ZSCAN20: variants seen among roughly 807,000 people sequenced by gnomAD.
ZSCAN20 encodes zinc finger and SCAN domain-containing protein 20.
In ZSCAN20, 39 loss-of-function variants were observed where a neutral mutation model predicts 97.1. That is an observed-to-expected ratio of 0.40 (90% CI 0.31 to 0.52). The LOEUF is 0.52. ZSCAN20 is among the 20% of genes least tolerant of loss of function. ZSCAN20 has a pLI of 0.49. For synonymous variants in ZSCAN20, 456 were observed against 467.3 expected (o/e 0.98, Z 0.31); for missense variants, 1,115 against 1,290.4 (o/e 0.86, Z 2.08).
chr1:33,490,975 A>G (rs765630966), intron 5 of ZSCAN20, 50 bp from the exon 6 acceptor site: 18 of 1,506,658 alleles, frequency 1.2e-5, no homozygotes, highest in Non-Finnish European at 1.4e-5. Flanking sequence ...TTGGACAAAC[A>G]TGCCGCTCAA....
chr1:33,479,307 T>C lies in ZSCAN20; in HGVS notation c.19T>C (p.Leu7=), dbSNP rs770808630. 25 of 1,608,926 alleles carry C rather than the reference T, an allele frequency of 1.6e-5. No individual in the cohort carries two copies. Among genetic ancestry groups the C allele is most frequent in the Middle Eastern group, 1.7e-4 (1 of 6,060 alleles). The change falls in exon 2 of 8, where the codon TTG becomes CTG. Residue 7 remains leucine, a synonymous_variant. Transcript: ENST00000684572. MAMALE[L]QAQASPQPEP... ...TTAGACAATGGCTATGGCCCTGGAA[T>C]TGCAAGCCCAGGCATCTCCGCAGCC... is the stretch of plus-strand genomic sequence containing the variant.
At position 33,496,243 on chromosome 1, in the gene ZSCAN20, G is replaced by A. The variant is rs1652859098; in HGVS notation, c.*767G>A. 1 of 152,168 alleles carries A rather than the reference G, an allele frequency of 6.6e-6. No homozygotes were observed. Among genetic ancestry groups the A allele is most frequent in the Non-Finnish European group, 1.5e-5 (1 of 68,040 alleles). The allele number at this position is 152,168 out of a possible 1,614,324, so 9.4% of individuals were successfully genotyped here. A position where few individuals can be genotyped will look rare whatever the true frequency, so the allele number is the denominator to read the frequency against. On this transcript the variant is annotated 3_prime_UTR_variant, in exon 8 of 8. Transcript: ENST00000684572. Reference sequence around the variant, plus strand: ...TCTATCGTGCTCTTATTGCTATACTGAATTCCCATTCATGTTAGGTAACTT... The same window carrying A: ...TCTATCGTGCTCTTATTGCTATACTAAATTCCCATTCATGTTAGGTAACTT...
rs936261416 is a variant in ZSCAN20, at chr1:33,499,047, C to T, written c.*3571C>T. On this transcript the variant is annotated 3_prime_UTR_variant, in exon 8 of 8. Coordinates refer to ENST00000684572, the MANE Select transcript of ZSCAN20 (RefSeq NM_001377376.1). ...GCCGAGTAAAGCAGCTAGGGTCCCT[C>T]CATGCTAAATAATGTAGTCAGGCGC... Among the ~76,000 whole-genome samples the T allele has an allele frequency of 6.6e-6, 1 of 152,234 alleles. No individual in the cohort carries two copies. The highest frequency in any genetic ancestry group is 2.4e-5 in the African/African-American group (1 of 41,460).
chr1:33,475,984 G>C (rs1250778130), intron 1 of ZSCAN20, among the ~76,000 whole-genome samples: 1 of 152,070 alleles, frequency 6.6e-6, no homozygotes, highest in Non-Finnish European at 1.5e-5. Flanking sequence ...CTCTCTTTCT[G>C]ATCTTTGCAG....
chr1:33,486,326 T>C (rs1179004591), intron 2 of ZSCAN20, among the ~76,000 whole-genome samples: 2 of 152,194 alleles, frequency 1.3e-5, no homozygotes, highest in African/African-American at 4.8e-5. Flanking sequence ...AGTTCATCAA[T>C]TACAGTTTAG....
intron 1 of ZSCAN20, among the ~76,000 whole-genome samples, chr1:33,477,880 G>A (rs996328731): frequency 6.6e-6 from 1 of 151,888 alleles, no homozygotes; most frequent in Non-Finnish European, 1.5e-5. Context: ...GGAGCTTGTG[G>A]TCGAGGACTG....
Position 33,494,362 on chromosome 1 carries a change from A to T in ZSCAN20, c.2018A>T (p.Asp673Val), listed in dbSNP as rs762887712. 2.5e-5 allele frequency: 40 copies of T among 1,614,216 alleles called. No homozygotes were observed. The highest frequency in any genetic ancestry group is 3.3e-5 in the Non-Finnish European group (39 of 1,180,034). ...GAAGACAGTGAAAATGAAAATGAAG[A>T]TGAAGGGCAGTGGGGAAATCCCTCA... The part of the protein sequence containing the change: ...WGEDSENENE[D>V]EGQWGNPSQE... Residue 673 changes from aspartate (D) to valine (V), a missense_variant, in exon 8 of 8, where the codon GAT becomes GTT. Physicochemically the swap from Asp to Val is radical, Grantham distance 152. Transcript: ENST00000684572.
intron 3 of ZSCAN20, 97 bp from the exon 4 acceptor site, chr1:33,489,018 G>C (rs1652485718): frequency 9.8e-7 from 1 of 1,020,168 alleles, no homozygotes; most frequent in Non-Finnish European, 1.5e-6. Flanking sequence ...GATAGCCCTA[G>C]CTTGATCCAA....
chr1:33,483,820 G>A (rs1489202057), intron 2 of ZSCAN20, among the ~76,000 whole-genome samples: 2 of 152,140 alleles, frequency 1.3e-5, no homozygotes, highest in Admixed American at 1.3e-4. Context: ...ACTACAGTGA[G>A]CCTTTCTATC....
chr1:33,479,422 C>G lies in ZSCAN20; in HGVS notation c.134C>G (p.Ser45Cys), dbSNP rs1382672426. The change falls in exon 2 of 8, where the codon TCT (serine) becomes TGT (cysteine). Residue 45 changes from serine to cysteine, a missense_variant. Ser to Cys is a moderately radical substitution (Grantham distance 112). Coordinates refer to ENST00000684572, the MANE Select transcript of ZSCAN20 (RefSeq NM_001377376.1). ...TGGGAGAAGGACCGTGGCTCTGTCT[C>G]TGGCCCAGAGGCCTCCCGCCAGCGC... ...KLWEKDRGSV[S>C]GPEASRQRFR... 2 of 1,614,158 alleles carry G rather than the reference C, an allele frequency of 1.2e-6. No individual in the cohort carries two copies. Among genetic ancestry groups the G allele is most frequent in the African/African-American group, 1.3e-5 (1 of 74,960 alleles).
In ZSCAN20 at chr1:33,494,782, A is replaced by G. The variant is rs1331378277; in HGVS notation, c.2438A>G (p.Gln813Arg). 1 of 1,614,054 alleles carries G rather than the reference A, an allele frequency of 6.2e-7. No individual in the cohort carries two copies. The highest frequency in any genetic ancestry group is 1.3e-5 in the African/African-American group (1 of 74,928). ...CAGAGCTCAAACCTTCTGAAACATC[A>G]GAGAATCCACTTGGGAGGAAATCCT... ...FNQSSNLLKH[Q>R]RIHLGGNPDQ... is the part of the protein sequence containing the mutation. The change falls in exon 8 of 8, where the codon CAG becomes CGG. Residue 813 changes from glutamine (Q) to arginine (R), a missense_variant. Gln to Arg is a conservative substitution (Grantham distance 43). Coordinates refer to ENST00000684572, the MANE Select transcript of ZSCAN20 (RefSeq NM_001377376.1).
intron 1 of ZSCAN20, among the ~76,000 whole-genome samples, chr1:33,474,865 G>C (rs1440273805): frequency 6.6e-6 from 1 of 152,166 alleles, no homozygotes; most frequent in Non-Finnish European, 1.5e-5. Flanking sequence ...ACATTGCTAG[G>C]TCCTTATACC....
chr1:33,500,927 G>T lies in ZSCAN20; in HGVS notation c.*5451G>T, dbSNP rs1653047612. ...TGGCAGGTGACAAATGTGGCACAAA[G>T]GAGAAAGGAGTCTTCTCCTTCCACA... On this transcript the variant is annotated 3_prime_UTR_variant, in exon 8 of 8. Transcript: ENST00000684572. 6.6e-6 allele frequency among the ~76,000 whole-genome samples: 1 copy of T among 151,724 alleles called. No homozygotes were observed. Among genetic ancestry groups the T allele is most frequent in the Admixed American group, 6.6e-5 (1 of 15,262 alleles).
rs1652613529 is a variant in ZSCAN20 at position 33,491,547 on chromosome 1, T to G, written c.1289T>G (p.Leu430Arg). 1 of 1,613,906 alleles carries G rather than the reference T, an allele frequency of 6.2e-7. No individual in the cohort carries two copies. The highest frequency in any genetic ancestry group is 8.5e-7 in the Non-Finnish European group (1 of 1,179,922). The change falls in exon 6 of 8, where the codon CTC becomes CGC. Residue 430 changes from leucine (L) to arginine (R), a missense_variant. Physicochemically the swap from Leu to Arg is moderately radical, Grantham distance 102. Around this residue, in one of 3 missense-constraint regions of ZSCAN20, gnomAD observed 508 missense variants for 611.2 expected, o/e 0.83. Coordinates refer to ENST00000684572, the MANE Select transcript of ZSCAN20 (RefSeq NM_001377376.1). The surrounding 1 kb of genome is among the most constrained non-coding windows in gnomAD (Gnocchi z 4.3). ...GPGEAVALPR[L>R]GYSDAEMDEQ... The stretch of plus-strand genomic sequence containing the variant: ...GGAGAGGCCGTGGCACTTCCCAGGC[T>G]CGGGTATAGTGACGCAGAGATGGAT...
In ZSCAN20 at chr1:33,479,589, A is replaced by G. The variant is rs775693527; in HGVS notation, c.301A>G (p.Thr101Ala). The G allele has an allele frequency of 3.7e-5, 60 of 1,613,862 alleles. No homozygotes were observed. The South Asian group carries it at 6.6e-4, about 18-fold the overall frequency. ...GCTGCTCGTGCTGGAGCAGTTCCTG[A>G]CTATCTTGCCTAGGGAGGTCCAGAC... is the stretch of plus-strand genomic sequence containing the variant. ...LELLVLEQFL[T>A]ILPREVQTWV... The change falls in exon 2 of 8, where the codon ACT (threonine) becomes GCT (alanine). Residue 101 changes from threonine (T) to alanine (A), a missense_variant. This residue lies in a region of ZSCAN20 where 508 missense variants were observed against 611.2 expected (regional missense o/e 0.83). Transcript: ENST00000684572.
At position 33,498,907 on chromosome 1, in the gene ZSCAN20, G is replaced by A. The variant is rs996370457; in HGVS notation, c.*3431G>A. On this transcript the variant is annotated 3_prime_UTR_variant, in exon 8 of 8. Coordinates refer to ENST00000684572, the MANE Select transcript of ZSCAN20 (RefSeq NM_001377376.1). ...AGACCCAAAGGTAGGGGCAGGGAAAGGAGGGGCCAAGACTTTTTCAGATAC... is the reference window on the plus strand; with the variant it reads ...AGACCCAAAGGTAGGGGCAGGGAAAAGAGGGGCCAAGACTTTTTCAGATAC... Among the ~76,000 whole-genome samples the A allele has an allele frequency of 6.6e-6, 1 of 152,224 alleles. No individual in the cohort carries two copies. Among genetic ancestry groups the A allele is most frequent in the African/African-American group, 2.4e-5 (1 of 41,456 alleles).
chr1:33,488,111 T>A, intron 2 of ZSCAN20, among the ~76,000 whole-genome samples: 1 of 152,240 alleles, frequency 6.6e-6, no homozygotes, highest in East Asian at 1.9e-4. Context: ...TTGATAACTT[T>A]TATCTTTTTT....
rs148453664 is a variant in ZSCAN20 at position 33,491,847 on chromosome 1, T to G, written c.1444+145T>G. 1.1e-3 allele frequency: 864 copies of G among 755,524 alleles called. 12 individuals carry two copies. The African/African-American group carries it at 0.014, about 12-fold the overall frequency. 46.8% of individuals were successfully genotyped at this position (755,524 alleles called of 1,614,324 possible). ...TACATTCCTTAGGTCATCCTCAAAC[T>G]CCAACTTTCTTTTCCCATGACCAAG... is the stretch of plus-strand genomic sequence containing the variant. On this transcript the variant is annotated intron_variant, in intron 6 of 7. Coordinates refer to ENST00000684572, the MANE Select transcript of ZSCAN20 (RefSeq NM_001377376.1). This position sits in a 1 kb window ranked among gnomAD's most constrained non-coding sequence, Gnocchi z 4.3.
In ZSCAN20 at chr1:33,479,165, T is replaced by C; in HGVS notation, c.-110-14T>C. 9.5e-7 allele frequency: 1 copy of C among 1,054,854 alleles called. No homozygotes were observed. The highest frequency in any genetic ancestry group is 1.4e-6 in the Non-Finnish European group (1 of 724,236). 65.3% of individuals were successfully genotyped at this position (1,054,854 alleles called of 1,614,324 possible). ...CCTTTTGCTCACACTCTATCCTTTG[T>C]CTTTCTGCCTTAGAGCCTTGGGGAG... On this transcript the variant is annotated splice_polypyrimidine_tract_variant and intron_variant, in intron 1 of 7. Coordinates refer to ENST00000684572, the MANE Select transcript of ZSCAN20 (RefSeq NM_001377376.1).
Sources: gnomAD v4.1 joint callset for allele counts (sites outside exome capture counted in the v4.1 genomes callset) on GRCh38, gnomAD v4.1.1 for gene constraint, gnomAD v4.1.1 regional missense constraint, Gnocchi (gnomAD v3.1) non-coding constraint, MANE v1.5 for transcripts, NCBI Gene and HGNC (gene_info 2026-07-23, HGNC 2026-07-21) for gene names.